The following SLC26A8 variants were observed in gnomAD, a reference collection of about 807,000 sequenced individuals.
SLC26A8 encodes the protein solute carrier family 26 member 8, also known as testis anion transporter 1.
A neutral mutation model predicts 105.0 loss-of-function variants in SLC26A8; 70 were observed. The observed-to-expected ratio is 0.67, with a 90% CI of 0.55 to 0.81. The LOEUF is 0.81. Ranked by LOEUF, SLC26A8 falls within the 40% of genes least tolerant of loss-of-function variation. SLC26A8 has a pLI of 0.00. For synonymous variants in SLC26A8, 415 were observed against 438.3 expected (o/e 0.95, Z 0.66); for missense variants, 998 against 1,181.8 (o/e 0.84, Z 2.28).
intron 19 of SLC26A8, among the ~76,000 whole-genome samples, chr6:35,945,664 G>A (rs192607981): frequency 6.6e-6 from 1 of 152,252 alleles, no homozygotes; most frequent in Admixed American, 6.5e-5. Context: ...AGCTTCTTTT[G>A]TGTTCCAACT....
chr6:35,968,609 GTATATATATATA>G (rs55987809), intron 11 of SLC26A8, among the ~76,000 whole-genome samples: 862 of 60,074 alleles, frequency 0.014, 9 homozygotes, highest in Non-Finnish European at 0.018. Flanking sequence ...GTGTGTGTGT[GTATATATATATA>G]TATATATATA....
chr6:35,945,597 C>T (rs370070568), intron 19 of SLC26A8, among the ~76,000 whole-genome samples: 33 of 152,308 alleles, frequency 2.2e-4, no homozygotes, highest in African/African-American at 6.7e-4. Context: ...TCCATCTTGT[C>T]CACATCCACT....
At chr6:35,999,896 T>C in intron 4 of SLC26A8, 96 bp downstream of exon 4, 1 of 796,600 alleles carries the variant, frequency 1.3e-6, no homozygotes, top group Non-Finnish European at 2.1e-6. Context: ...CTCCTTTCTT[T>C]CTATCTTAAA....
chr6:35,992,763 A>G, intron 5 of SLC26A8, 89 bp from the exon 6 acceptor site: 7 of 1,384,140 alleles, frequency 5.1e-6, no homozygotes, highest in Non-Finnish European at 6.8e-6. Flanking sequence ...AAGGGTTTCC[A>G]ATAGAAAAGT....
At chr6:35,962,071 C>CA (rs1238847836) in intron 12 of SLC26A8, among the ~76,000 whole-genome samples, 3 of 151,944 alleles carry the variant, frequency 2.0e-5, no homozygotes, top group Non-Finnish European at 4.4e-5. Flanking sequence ...ACTAAAAATA[C>CA]AAAAATTAGC....
intron 2 of SLC26A8, among the ~76,000 whole-genome samples, chr6:36,016,705 G>A (rs1762003551): frequency 6.6e-6 from 1 of 152,068 alleles, no homozygotes; most frequent in Non-Finnish European, 1.5e-5. Flanking sequence ...CGTTTACTAG[G>A]TGAAGACAAT....
intron 3 of SLC26A8, among the ~76,000 whole-genome samples, chr6:36,002,048 T>C (rs1407981691): frequency 2.0e-5 from 3 of 152,258 alleles, no homozygotes; most frequent in African/African-American, 4.8e-5. Flanking sequence ...TTGGTTGATA[T>C]GTCTCTTAAG....
At chr6:35,972,983 A>G (rs1356949149) in intron 10 of SLC26A8, among the ~76,000 whole-genome samples, 2 of 152,134 alleles carry the variant, frequency 1.3e-5, no homozygotes, top group Non-Finnish European at 2.9e-5. Context: ...CCTTCCATCT[A>G]CACATACCCT....
intron 2 of SLC26A8, among the ~76,000 whole-genome samples, chr6:36,016,879 T>A (rs1022057195): frequency 1.1e-4 from 17 of 152,188 alleles, no homozygotes; most frequent in African/African-American, 4.1e-4. Flanking sequence ...GATGAAAATA[T>A]GCATGATCTT....
chr6:36,016,811 A>G (rs1254975901), intron 2 of SLC26A8, among the ~76,000 whole-genome samples: 1 of 152,232 alleles, frequency 6.6e-6, no homozygotes, highest in Non-Finnish European at 1.5e-5. Context: ...TTAATTCAAA[A>G]AGGATCAAAG....
chr6:35,961,964 A>G (rs1024590855), intron 12 of SLC26A8, among the ~76,000 whole-genome samples: 2 of 152,226 alleles, frequency 1.3e-5, no homozygotes, highest in African/African-American at 4.8e-5. Flanking sequence ...GCAGTGGCTC[A>G]CGCCTGTAAT....
chr6:35,970,238 G>A (rs188805778), intron 10 of SLC26A8, among the ~76,000 whole-genome samples: 250 of 152,166 alleles, frequency 1.6e-3, no homozygotes, highest in South Asian at 7.1e-3. Flanking sequence ...TTTTACGTAG[G>A]GGGGGAAAAC....
intron 16 of SLC26A8, among the ~76,000 whole-genome samples, chr6:35,958,790 G>A (rs1455968435): frequency 1.3e-5 from 2 of 152,172 alleles, no homozygotes; most frequent in African/African-American, 4.8e-5. Flanking sequence ...AGTGAGTGCT[G>A]TAGACTAGGT....
chr6:35,973,207 TA>T (rs1772864808), intron 10 of SLC26A8, among the ~76,000 whole-genome samples: 2 of 152,250 alleles, frequency 1.3e-5, no homozygotes, highest in Non-Finnish European at 2.9e-5. Context: ...TTAGTGGAAC[TA>T]ATCTCTGGAA....
chr6:35,988,645 G>T (rs28681487), intron 7 of SLC26A8, among the ~76,000 whole-genome samples: 2 of 118,148 alleles, frequency 1.7e-5, no homozygotes, highest in Admixed American at 8.5e-5. Flanking sequence ...AAAGAAAAAA[G>T]AAAAGAAAAG....
At chr6:36,013,641 G>C (rs529101077) in intron 2 of SLC26A8, among the ~76,000 whole-genome samples, 138 of 152,256 alleles carry the variant, frequency 9.1e-4, no homozygotes, top group African/African-American at 3.2e-3. Flanking sequence ...TAAAACAACA[G>C]AATCATCATT....
intron 7 of SLC26A8, among the ~76,000 whole-genome samples, chr6:35,988,723 T>C (rs1773629886): frequency 6.6e-6 from 1 of 152,046 alleles, no homozygotes. Context: ...TGACACAGAT[T>C]AGAAAAAACA....
Position 35,997,738 on chromosome 6 carries a change from C to G in SLC26A8, c.627G>C (p.Gln209His). Residue 209 changes from glutamine (Q) to histidine (H), a missense_variant and splice_region_variant, in exon 5 of 20, where the codon CAG becomes CAC. By Grantham distance (24) the Gln-to-His change is conservative. Transcript: ENST00000490799. ...ATTTFLTGII[Q>H]LIMGVLGLGF... Reference sequence around the variant, plus strand: ...AGGGATTTGAAGACTCAGATCCTACCTGAATAATCCCAGTCAGAAAAGTTG... The same window carrying G: ...AGGGATTTGAAGACTCAGATCCTACGTGAATAATCCCAGTCAGAAAAGTTG... 1 of 1,613,836 alleles carries G rather than the reference C, an allele frequency of 6.2e-7. No homozygotes were observed. Among genetic ancestry groups the G allele is most frequent in the Non-Finnish European group, 8.5e-7 (1 of 1,179,862 alleles).
intron 8 of SLC26A8, among the ~76,000 whole-genome samples, chr6:35,979,425 A>G (rs188283515): frequency 6.9e-4 from 105 of 152,084 alleles, no homozygotes; most frequent in African/African-American, 2.4e-3. Context: ...GCAGTGAGCC[A>G]AGATCGTGCC....
Sources: gnomAD v4.1 joint callset for allele counts (sites outside exome capture counted in the v4.1 genomes callset) on GRCh38, gnomAD v4.1.1 for gene constraint, MANE v1.5 for transcripts, NCBI Gene and HGNC (gene_info 2026-07-23, HGNC 2026-07-21) for gene names.